Variants in OPN4 observed in about 807,000 individuals in gnomAD.
The protein encoded by OPN4 is melanopsin.
OPN4 carries 43 observed loss-of-function variants against 49.5 expected under a neutral mutation model. The observed-to-expected ratio is 0.87, with a 90% confidence interval of 0.68 to 1.12. OPN4 has a LOEUF of 1.12. Ranked by LOEUF, OPN4 falls within the 50% of genes most tolerant of loss-of-function variation. The pLI, the probability that OPN4 is intolerant of heterozygous loss-of-function variation, is 0.00. For missense variants in OPN4, 657 were observed against 643.9 expected, an observed-to-expected ratio of 1.02 and a Z score of -0.22; for synonymous variants, 263 against 258.0, an observed-to-expected ratio of 1.02 and a Z score of -0.19.
intron 9 of OPN4, chr10:86,664,093 C>T (rs1006283978): frequency 1.4e-5 from 5 of 351,804 alleles, no homozygotes; most frequent in African/African-American, 6.3e-5. Context: ...GATAAGAGTA[C>T]ATGTGTGTGT....
In OPN4 at chr10:86,656,261, G is replaced by T. The variant is rs1843862008; in HGVS notation, c.251G>T (p.Gly84Val). The T allele has an allele frequency of 1.2e-6, 2 of 1,612,818 alleles. No individual in the cohort carries two copies. The highest frequency in any genetic ancestry group is 1.6e-4 in the Middle Eastern group (1 of 6,078). ...GTVILLVGLT[G>V]MLGNLTVIYT... ...GTGATCTTGCTGGTGGGACTCACGG[G>T]GATGCTGGGCAACCTGACGGTCATC... Residue 84 changes from glycine to valine, a missense_variant, in exon 2 of 10, where the codon GGG (glycine) becomes GTG (valine). Gly to Val is a moderately radical substitution (Grantham distance 109). Coordinates refer to ENST00000241891, the MANE Select transcript of OPN4 (RefSeq NM_033282.4).
chr10:86,657,930 G>A, intron 2 of OPN4, 102 bp from the exon 3 acceptor site: 2 of 1,238,368 alleles, frequency 1.6e-6, no homozygotes, highest in Non-Finnish European at 2.3e-6. Flanking sequence ...ATGTGTAAGT[G>A]TGTGGCACGT....
intron 2 of OPN4, among the ~76,000 whole-genome samples, chr10:86,657,705 G>A (rs928158565): frequency 3.3e-5 from 5 of 152,122 alleles, no homozygotes; most frequent in African/African-American, 1.2e-4. Flanking sequence ...GGCAAGAAGA[G>A]GAAACGGACA....
In OPN4 at chr10:86,660,059, G is replaced by T. The variant is rs1039093477; in HGVS notation, c.965G>T (p.Gly322Val). The T allele has an allele frequency of 1.2e-6, 2 of 1,614,130 alleles. No homozygotes were observed. The highest frequency in any genetic ancestry group is 2.7e-5 in the African/African-American group (2 of 75,058). Reference sequence around the variant, plus strand: ...GCTGTGGCCCTGGTGGCCTTTGCTGGGTAAGCAGTGGCTAAAGGGTTGGGG... The same window carrying T: ...GCTGTGGCCCTGGTGGCCTTTGCTGTGTAAGCAGTGGCTAAAGGGTTGGGG... ...YSAVALVAFA[G>V]YAHVLTPYMS... is the part of the protein sequence containing the mutation. The change falls in exon 6 of 10, where the codon GGG becomes GTG. Residue 322 changes from glycine (G) to valine (V), a missense_variant and splice_region_variant. Transcript: ENST00000241891.
intron 7 of OPN4, 41 bp downstream of exon 7, chr10:86,661,429 GGCC>G: frequency 6.7e-7 from 1 of 1,502,310 alleles, no homozygotes; most frequent in Non-Finnish European, 9.2e-7. Context: ...GGCCTCCAAG[GGCC>G]TGGCCTGCCG....
Position 86,665,971 on chromosome 10 carries a change from C to G in OPN4, c.*220C>G. The G allele has an allele frequency of 1.8e-6, 1 of 567,504 alleles. No homozygotes were observed. The allele number at this position is 567,504 out of a possible 1,614,324, so 35.2% of individuals were successfully genotyped here. On this transcript the variant is annotated 3_prime_UTR_variant, in exon 10 of 10. Transcript: ENST00000241891. ...CGCATCCACTTTCCAGCTCAGCAGC[C>G]GCACCCGAGGCTCAGCCTGAGGGGT...
At position 86,659,310 on chromosome 10, in the gene OPN4, C is replaced by G. The variant is rs753092227; in HGVS notation, c.642C>G (p.Pro214=). 2 of 1,612,460 alleles carry G rather than the reference C, an allele frequency of 1.2e-6. No homozygotes were observed. The highest frequency in any genetic ancestry group is 1.6e-4 in the Middle Eastern group (1 of 6,062). ...CCTGGCTCCCAGGCGCCTACGTGCC[C>G]GAGGGGTTGCTGACATCCTGCTCCT... ...PPFFGWSAYV[P]EGLLTSCSWD... The change falls in exon 5 of 10, where the codon CCC becomes CCG. Residue 214 remains proline (P), a synonymous_variant. Transcript: ENST00000241891.
chr10:86,662,324 C>T lies in OPN4; in HGVS notation c.1146C>T (p.Tyr382=). Residue 382 remains tyrosine (Y), a synonymous_variant, in exon 8 of 10, where the codon TAC becomes TAT. Coordinates refer to ENST00000241891, the MANE Select transcript of OPN4 (RefSeq NM_033282.4). The part of the protein sequence containing the change: ...LGVSRRHSRP[Y]PSYRSTHRST... ...TATCACGCCGGCACAGTCGCCCCTA[C>T]CCCAGCTACCGCTCCACCCACCGCT... 3.1e-6 allele frequency: 5 copies of T among 1,604,818 alleles called. No homozygotes were observed. The highest frequency in any genetic ancestry group is 4.2e-6 in the Non-Finnish European group (5 of 1,177,064).
intron 4 of OPN4, 94 bp downstream of exon 4, chr10:86,658,781 G>C: frequency 7.4e-7 from 1 of 1,359,396 alleles, no homozygotes; most frequent in Non-Finnish European, 1.0e-6. Context: ...CAGCTGGCGG[G>C]AGCAGGGTGC....
At position 86,654,875 on chromosome 10, in the gene OPN4, G is replaced by T. The variant is rs1322434709; in HGVS notation, c.92G>T (p.Ser31Ile). Residue 31 changes from serine to isoleucine, a missense_variant, in exon 1 of 10, where the codon AGC (serine) becomes ATC (isoleucine). By Grantham distance (142) the Ser-to-Ile change is moderately radical. Transcript: ENST00000241891. ...CCAGCACCACCCAGCTGGTGGGACA[G>T]CTCCCAGAGCAGCATCTCCAGCCTG... is the stretch of plus-strand genomic sequence containing the variant. ...ATPAPPSWWD[S>I]SQSSISSLGR... 1.3e-6 allele frequency: 2 copies of T among 1,562,866 alleles called. No individual in the cohort carries two copies. Among genetic ancestry groups the T allele is most frequent in the East Asian group, 4.9e-5 (2 of 40,476 alleles).
intron 2 of OPN4, among the ~76,000 whole-genome samples, chr10:86,657,735 C>T (rs1589586244): frequency 6.6e-6 from 1 of 152,090 alleles, no homozygotes; most frequent in Non-Finnish European, 1.5e-5. Context: ...AACCGGCCTG[C>T]GCTGGGCCAC....
rs1473906169 is a variant in OPN4 at position 86,656,611 on chromosome 10, T to TG, written c.290+311_290+312insG. ...TTCTGCCCTGCTCTCAGCGCACCTCTCCGTCACCTGCCCCAGAGAGCATCC... is the reference window on the plus strand; with the variant it reads ...TTCTGCCCTGCTCTCAGCGCACCTCTGCCGTCACCTGCCCCAGAGAGCATCC... On this transcript the variant is annotated intron_variant, in intron 2 of 9. Transcript: ENST00000241891. Among the ~76,000 whole-genome samples, 29 of 152,150 alleles carry TG rather than the reference T, an allele frequency of 1.9e-4. 1 individual carries two copies. Among genetic ancestry groups the TG allele is most frequent in the African/African-American group, 6.0e-4 (25 of 41,520 alleles).
intron 2 of OPN4, 91 bp from the exon 3 acceptor site, chr10:86,657,941 G>C (rs1042085024): frequency 7.4e-7 from 1 of 1,352,188 alleles, no homozygotes; most frequent in African/African-American, 1.5e-5. Flanking sequence ...TGTGGCACGT[G>C]TGTGCACATG....
chr10:86,661,168 A>T (rs1338072734), intron 6 of OPN4, 113 bp from the exon 7 acceptor site: 2 of 820,612 alleles, frequency 2.4e-6, no homozygotes, highest in East Asian at 5.2e-5. Context: ...GGGCTGACTT[A>T]GCTGTGCTGG....
intron 4 of OPN4, among the ~76,000 whole-genome samples, chr10:86,659,067 A>G (rs564947314): frequency 2.0e-5 from 3 of 152,340 alleles, no homozygotes; most frequent in East Asian, 3.9e-4. Context: ...AGCCCTGGCA[A>G]GCAAAACCTT....
Position 86,654,874 on chromosome 10 carries a change from A to G in OPN4, c.91A>G (p.Ser31Gly). ...CCCAGCACCACCCAGCTGGTGGGAC[A>G]GCTCCCAGAGCAGCATCTCCAGCCT... Reference protein sequence around the residue: ...ATPAPPSWWDSSQSSISSLGR... With the variant: ...ATPAPPSWWDGSQSSISSLGR... The change falls in exon 1 of 10, where the codon AGC becomes GGC. Residue 31 changes from serine (S) to glycine (G), a missense_variant. Ser to Gly is a moderately conservative substitution (Grantham distance 56). Transcript: ENST00000241891. 6.2e-7 allele frequency: 1 copy of G among 1,600,902 alleles called. No individual in the cohort carries two copies.
At position 86,656,222 on chromosome 10, in the gene OPN4, A is replaced by G. The variant is rs773623741; in HGVS notation, c.212A>G (p.Tyr71Cys). The change falls in exon 2 of 10, where the codon TAT (tyrosine) becomes TGT (cysteine). Residue 71 changes from tyrosine to cysteine, a missense_variant. Transcript: ENST00000241891. ...PTVDVPDHAH[Y>C]TLGTVILLVG... ...GTTGATGTTCCAGACCATGCCCACT[A>G]TACCCTGGGCACAGTGATCTTGCTG... 7 of 1,613,896 alleles carry G rather than the reference A, an allele frequency of 4.3e-6. No homozygotes were observed. The South Asian group carries it at 7.7e-5, about 18-fold the overall frequency.
intron 2 of OPN4, chr10:86,657,379 G>C: frequency 1.6e-6 from 1 of 637,276 alleles, no homozygotes; most frequent in Non-Finnish European, 2.9e-6. Flanking sequence ...ATGATGACAG[G>C]AGCCGAGGCT....
chr10:86,656,267 T>TG lies in OPN4; in HGVS notation c.260dup (p.Asn88GlnfsTer44). 1 of 1,612,486 alleles carries TG rather than the reference T, an allele frequency of 6.2e-7. No individual in the cohort carries two copies. The highest frequency in any genetic ancestry group is 8.5e-7 in the Non-Finnish European group (1 of 1,178,970). On this transcript the variant is annotated frameshift_variant, in exon 2 of 10. Coordinates refer to ENST00000241891, the MANE Select transcript of OPN4 (RefSeq NM_033282.4). LOFTEE classifies it high-confidence loss of function. The stretch of plus-strand genomic sequence containing the variant: ...TTGCTGGTGGGACTCACGGGGATGC[T>TG]GGGCAACCTGACGGTCATCTATACC...
Sources: allele counts gnomAD v4.1 joint callset (sites outside exome capture counted in the v4.1 genomes callset), GRCh38; gene constraint gnomAD v4.1.1; transcripts MANE v1.5; gene names NCBI Gene and HGNC (gene_info 2026-07-23, HGNC 2026-07-21).